The following STK24 variants were observed in gnomAD, a reference collection of about 807,000 sequenced individuals.
The protein encoded by STK24 is serine/threonine-protein kinase 24.
STK24 carries 21 observed loss-of-function variants against 55.6 expected under a neutral mutation model. The ratio of observed to expected loss-of-function variants is 0.38; its 90% CI spans 0.27 to 0.54. STK24 has a LOEUF of 0.54. Among genes scored for constraint, STK24 ranks in the 20% least tolerant of loss-of-function variants. The pLI is 0.79. For synonymous variants in STK24, 200 were observed against 215.2 expected, an observed-to-expected ratio of 0.93 and a Z score of 0.62; for missense variants, 383 against 538.4, an observed-to-expected ratio of 0.71 and a Z score of 2.86.
At chr13:98,549,867 T>C (rs976197401) in intron 1 of STK24, among the ~76,000 whole-genome samples, 2 of 152,172 alleles carry the variant, frequency 1.3e-5, no homozygotes, top group Admixed American at 1.3e-4. Flanking sequence ...CGAAACACAA[T>C]TGCACTAAGA....
At chr13:98,476,936 T>C (rs1432716159) in intron 3 of STK24, among the ~76,000 whole-genome samples, 2 of 152,210 alleles carry the variant, frequency 1.3e-5, no homozygotes, top group African/African-American at 2.4e-5. Context: ...GTGCAGAGAA[T>C]GCACTTGTCG....
chr13:98,507,989 AAGG>A (rs202094435), intron 2 of STK24, among the ~76,000 whole-genome samples: 4,383 of 152,282 alleles, frequency 0.029, 214 homozygotes, highest in African/African-American at 0.094. Flanking sequence ...GAAAGTACCA[AAGG>A]AGAATTCAAA....
chr13:98,509,022 A>T (rs925347775), intron 2 of STK24: 1 of 152,244 alleles, frequency 6.6e-6, no homozygotes, highest in Non-Finnish European at 1.5e-5. Context: ...GCCAAAACAT[A>T]TAGTTTTGGG....
intron 1 of STK24, among the ~76,000 whole-genome samples, chr13:98,543,710 G>A (rs926704509): frequency 1.5e-4 from 23 of 152,124 alleles, no homozygotes; most frequent in African/African-American, 4.8e-5. Flanking sequence ...ATGGTAGGAC[G>A]CAGGACACCC....
chr13:98,496,793 C>A (rs544671788), intron 2 of STK24, among the ~76,000 whole-genome samples: 1 of 152,294 alleles, frequency 6.6e-6, no homozygotes, highest in Non-Finnish European at 1.5e-5. Context: ...TAATCGGAGC[C>A]AACAAATGGT....
intron 1 of STK24, among the ~76,000 whole-genome samples, chr13:98,560,127 G>A (rs1474166362): frequency 1.3e-5 from 2 of 152,248 alleles, no homozygotes; most frequent in African/African-American, 4.8e-5. Context: ...CCGGTTGACA[G>A]CAAACCCTGA....
At chr13:98,498,410 T>G (rs1895328045) in intron 2 of STK24, among the ~76,000 whole-genome samples, 1 of 152,224 alleles carries the variant, frequency 6.6e-6, no homozygotes. Flanking sequence ...CTACAGTCAC[T>G]GGGCTGAGAT....
chr13:98,452,984 C>A lies in STK24; in HGVS notation c.*189G>T. On this transcript the variant is annotated 3_prime_UTR_variant, in exon 11 of 11. Transcript: ENST00000539966. ...GAAGGAGCTGACCCTCCCCACCCATCTGAGAGACTTCATCTGGCTGCAGCA... is the reference window on the plus strand; with the variant it reads ...GAAGGAGCTGACCCTCCCCACCCATATGAGAGACTTCATCTGGCTGCAGCA... 1.9e-6 allele frequency: 1 copy of A among 534,432 alleles called. No individual in the cohort carries two copies. Among genetic ancestry groups the A allele is most frequent in the Non-Finnish European group, 3.3e-6 (1 of 305,836 alleles). The allele number at this position is 534,432 out of a possible 1,614,324, so 33.1% of individuals were successfully genotyped here.
At chr13:98,553,507 C>T in intron 1 of STK24, 2 of 174,386 alleles carry the variant, frequency 1.1e-5, no homozygotes. Context: ...CTCAAGGATT[C>T]CAGGCACCCA....
At chr13:98,486,707 G>A (rs1894819795) in intron 2 of STK24, among the ~76,000 whole-genome samples, 2 of 152,156 alleles carry the variant, frequency 1.3e-5, no homozygotes, top group African/African-American at 2.4e-5. Flanking sequence ...ACCCAACAGA[G>A]AACCGCTGAA....
intron 7 of STK24, among the ~76,000 whole-genome samples, chr13:98,463,219 G>A (rs1358761660): frequency 1.3e-5 from 2 of 151,762 alleles, no homozygotes; most frequent in Non-Finnish European, 2.9e-5. Flanking sequence ...GCCCCACTCC[G>A]CCTCTTAAGC....
chr13:98,485,912 T>C (rs1475404422), intron 2 of STK24, among the ~76,000 whole-genome samples: 4 of 152,122 alleles, frequency 2.6e-5, no homozygotes, highest in Admixed American at 6.5e-5. Context: ...CAGCCATTAA[T>C]GGAGGAGGAC....
chr13:98,473,125 G>T (rs1455814779), intron 5 of STK24, among the ~76,000 whole-genome samples: 3 of 150,256 alleles, frequency 2.0e-5, no homozygotes, highest in Non-Finnish European at 4.4e-5. Context: ...AAGACATACA[G>T]GAGAAGAGAC....
At chr13:98,533,355 T>A (rs1364758864) in intron 1 of STK24, among the ~76,000 whole-genome samples, 2 of 147,054 alleles carry the variant, frequency 1.4e-5, no homozygotes, top group Non-Finnish European at 3.0e-5. Context: ...CGAGACTATC[T>A]CAGTTTTCCT....
At chr13:98,570,545 C>A (rs1056070990) in intron 1 of STK24, among the ~76,000 whole-genome samples, 1 of 152,060 alleles carries the variant, frequency 6.6e-6, no homozygotes, top group East Asian at 1.9e-4. Flanking sequence ...ACCAACAGAG[C>A]GCAGAACAGA....
At chr13:98,548,181 A>G (rs1272260491) in intron 1 of STK24, among the ~76,000 whole-genome samples, 2 of 152,178 alleles carry the variant, frequency 1.3e-5, no homozygotes, top group African/African-American at 2.4e-5. Context: ...AAAAATGCAT[A>G]CATATTATAG....
chr13:98,487,573 T>A (rs1894854766), intron 2 of STK24, among the ~76,000 whole-genome samples: 1 of 151,834 alleles, frequency 6.6e-6, no homozygotes, highest in Non-Finnish European at 1.5e-5. Context: ...GTTATGCACA[T>A]ACGAGCAAAT....
intron 2 of STK24, among the ~76,000 whole-genome samples, chr13:98,500,652 C>G (rs921026710): frequency 6.8e-6 from 1 of 146,678 alleles, no homozygotes; most frequent in Admixed American, 6.9e-5. Context: ...ACCATCGGCT[C>G]GCCAGTCAGT....
intron 1 of STK24, among the ~76,000 whole-genome samples, chr13:98,535,732 C>T (rs1656371111): frequency 6.6e-6 from 1 of 152,160 alleles, no homozygotes; most frequent in Non-Finnish European, 1.5e-5. Flanking sequence ...CCCCACAGCT[C>T]GGAAGCGGGG....
Sources: allele counts gnomAD v4.1 joint callset (sites outside exome capture counted in the v4.1 genomes callset), GRCh38; gene constraint gnomAD v4.1.1; transcripts MANE v1.5; gene names NCBI Gene and HGNC (gene_info 2026-07-23, HGNC 2026-07-21).